Variants in SHC4 observed in about 807,000 individuals in gnomAD.
SHC4 encodes SHC-transforming protein 4.
Under a neutral mutation model 69.4 loss-of-function variants are expected in SHC4, and 41 were observed. The observed-to-expected ratio is 0.59, with a 90% CI of 0.46 to 0.77. The LOEUF is 0.77. SHC4 is among the 30% of genes least tolerant of loss of function. The probability of loss-of-function intolerance (pLI) is 0.00; values close to 1 mark genes in which losing one functional copy is unlikely to be tolerated. For missense variants in SHC4, 777 were observed against 783.8 expected (o/e 0.99, Z 0.10); for synonymous variants, 318 against 299.3 (o/e 1.06, Z -0.64).
intron 6 of SHC4, among the ~76,000 whole-genome samples, chr15:48,861,811 T>A (rs1278839690): frequency 6.6e-6 from 1 of 152,180 alleles, no homozygotes; most frequent in Non-Finnish European, 1.5e-5. Flanking sequence ...GAGATACATA[T>A]TCATCTGTCT....
At chr15:48,933,621 A>C (rs1162149849) in intron 1 of SHC4, among the ~76,000 whole-genome samples, 1 of 152,222 alleles carries the variant, frequency 6.6e-6, no homozygotes, top group Non-Finnish European at 1.5e-5. Flanking sequence ...ATTTCCTGAC[A>C]TTCATCTGTA....
At chr15:48,898,783 T>C (rs1459997019) in intron 2 of SHC4, among the ~76,000 whole-genome samples, 4 of 152,154 alleles carry the variant, frequency 2.6e-5, no homozygotes, top group Non-Finnish European at 4.4e-5. Flanking sequence ...ATCTCAAAAT[T>C]CAAACACCTA....
intron 8 of SHC4, among the ~76,000 whole-genome samples, chr15:48,854,834 G>C (rs1290159686): frequency 1.3e-5 from 2 of 152,102 alleles, no homozygotes; most frequent in Non-Finnish European, 2.9e-5. Context: ...GAGGGAAAGA[G>C]GGGGGCAAAG....
rs1390898887 is a variant in SHC4 at position 48,890,141 on chromosome 15, T to C, written c.720+607A>G. Among the ~76,000 whole-genome samples, 6 of 152,206 alleles carry C rather than the reference T, an allele frequency of 3.9e-5. No individual in the cohort carries two copies. In the East Asian group the frequency reaches 9.6e-4, roughly 24 times the overall value. ...ATTTTACAGATGAGTAAACCAAGGATCCAAGAGGTTAAGTAACTTGTCCAA... is the reference window on the plus strand; with the variant it reads ...ATTTTACAGATGAGTAAACCAAGGACCCAAGAGGTTAAGTAACTTGTCCAA... On this transcript the variant is annotated intron_variant, in intron 3 of 11. Coordinates refer to ENST00000332408, the MANE Select transcript of SHC4 (RefSeq NM_203349.4).
chr15:48,923,736 C>A (rs1349057104), intron 2 of SHC4, among the ~76,000 whole-genome samples: 2 of 147,632 alleles, frequency 1.4e-5, no homozygotes, highest in Admixed American at 1.4e-4. Flanking sequence ...AACTCCTGGG[C>A]TCAAGTGATC....
Position 48,856,143 on chromosome 15 carries a change from T to A in SHC4, c.1071-19A>T, listed in dbSNP as rs747446056. 9 of 1,602,018 alleles carry A rather than the reference T, an allele frequency of 5.6e-6. No individual in the cohort carries two copies. The South Asian group carries it at 1.0e-4, about 18-fold the overall frequency. Reference sequence around the variant, plus strand: ...CTCCTCACTGTGAAGGAAAAAAGAATCCTCAAGAGGCTGGGCGAAAATTCA... The same window carrying A: ...CTCCTCACTGTGAAGGAAAAAAGAAACCTCAAGAGGCTGGGCGAAAATTCA... On this transcript the variant is annotated intron_variant, in intron 7 of 11. Coordinates refer to ENST00000332408, the MANE Select transcript of SHC4 (RefSeq NM_203349.4).
chr15:48,865,511 C>T (rs1037447485), intron 6 of SHC4, among the ~76,000 whole-genome samples: 3 of 152,192 alleles, frequency 2.0e-5, no homozygotes, highest in Non-Finnish European at 4.4e-5. Flanking sequence ...GAAAACTATG[C>T]TTTCCATGTG....
At chr15:48,874,737 C>G (rs1899760713) in intron 4 of SHC4, among the ~76,000 whole-genome samples, 1 of 152,172 alleles carries the variant, frequency 6.6e-6, no homozygotes, top group African/African-American at 2.4e-5. Flanking sequence ...AGACTCATAT[C>G]AAAACCCTAT....
At chr15:48,933,910 C>G (rs1567073565) in intron 1 of SHC4, among the ~76,000 whole-genome samples, 1 of 152,104 alleles carries the variant, frequency 6.6e-6, no homozygotes, top group African/African-American at 2.4e-5. Context: ...GGACCTCTAT[C>G]TCATACCATA....
chr15:48,954,467 A>T (rs921123477), intron 1 of SHC4, among the ~76,000 whole-genome samples: 2 of 152,274 alleles, frequency 1.3e-5, no homozygotes, highest in Non-Finnish European at 2.9e-5. Flanking sequence ...AAGCATTTTT[A>T]ACTGATACAG....
chr15:48,863,078 A>G (rs1899478326), intron 6 of SHC4, among the ~76,000 whole-genome samples: 1 of 151,416 alleles, frequency 6.6e-6, no homozygotes, highest in Non-Finnish European at 1.5e-5. Flanking sequence ...TTGCTAGTTA[A>G]TTTTATAACA....
chr15:48,843,354 G>A (rs1567050353), intron 10 of SHC4, 55 bp downstream of exon 10: 2 of 1,476,464 alleles, frequency 1.4e-6, no homozygotes, highest in African/African-American at 1.4e-5. Context: ...TCTGTTTGTG[G>A]TAATTTGTTA....
At chr15:48,900,305 C>G (rs1267811093) in intron 2 of SHC4, among the ~76,000 whole-genome samples, 1 of 152,012 alleles carries the variant, frequency 6.6e-6, no homozygotes, top group East Asian at 1.9e-4. Context: ...GTCAGGAGTT[C>G]AAGACCAGCC....
At chr15:48,874,531 T>C (rs1899756131) in intron 4 of SHC4, among the ~76,000 whole-genome samples, 1 of 152,204 alleles carries the variant, frequency 6.6e-6, no homozygotes, top group African/African-American at 2.4e-5. Flanking sequence ...CATTAGATTC[T>C]CATAGGAGAA....
intron 1 of SHC4, among the ~76,000 whole-genome samples, chr15:48,933,226 A>T (rs1901004148): frequency 6.6e-6 from 1 of 152,210 alleles, no homozygotes; most frequent in Admixed American, 6.5e-5. Context: ...TTTTCAAAAG[A>T]GGTCAGAAAT....
intron 1 of SHC4, among the ~76,000 whole-genome samples, 166 bp from the exon 2 acceptor site, chr15:48,925,115 C>T (rs749696418): frequency 1.3e-5 from 2 of 152,202 alleles, no homozygotes; most frequent in African/African-American, 2.4e-5. Context: ...TGGACACATG[C>T]CTAAAGGTTC....
chr15:48,923,555 A>C (rs1260796565), intron 2 of SHC4, among the ~76,000 whole-genome samples: 22 of 150,734 alleles, frequency 1.5e-4, no homozygotes, highest in Non-Finnish European at 3.1e-4. Flanking sequence ...AAAAAAAAAA[A>C]AAAAACAAAA....
At chr15:48,842,280 TA>T (rs1293259109) in intron 10 of SHC4, among the ~76,000 whole-genome samples, 1 of 152,226 alleles carries the variant, frequency 6.6e-6, no homozygotes, top group African/African-American at 2.4e-5. Flanking sequence ...ATAGATGACT[TA>T]TTAAGGGGTT....
intron 2 of SHC4, among the ~76,000 whole-genome samples, chr15:48,898,256 C>T (rs1900259190): frequency 6.6e-6 from 1 of 152,182 alleles, no homozygotes; most frequent in African/African-American, 2.4e-5. Context: ...CAGGAACCTG[C>T]CTCTGTGGCG....
Sources: allele counts gnomAD v4.1 joint callset (sites outside exome capture counted in the v4.1 genomes callset), GRCh38; gene constraint gnomAD v4.1.1; transcripts MANE v1.5; gene names NCBI Gene and HGNC (gene_info 2026-07-23, HGNC 2026-07-21).